Variants in ZMYM4 observed in about 807,000 individuals in gnomAD.
The protein encoded by ZMYM4 is zinc finger MYM-type protein 4.
In ZMYM4, 31 loss-of-function variants were observed where a neutral mutation model predicts 183.2. That is an observed-to-expected ratio of 0.17 (90% CI 0.13 to 0.23). The LOEUF (loss-of-function observed/expected upper bound fraction) is 0.23, where lower values mean the gene tolerates loss of function less well. Ranked by LOEUF, ZMYM4 falls within the 10% of genes least tolerant of loss-of-function variation. The pLI is 1.00. For missense variants in ZMYM4, 1,273 were observed against 1,840.3 expected, an observed-to-expected ratio of 0.69 and a Z score of 5.64; for synonymous variants, 592 against 631.2, an observed-to-expected ratio of 0.94 and a Z score of 0.93.
chr1:35,388,711 T>C (rs927676535), intron 13 of ZMYM4, among the ~76,000 whole-genome samples, 199 bp from the exon 14 acceptor site: 1 of 152,146 alleles, frequency 6.6e-6, no homozygotes. Context: ...TTTTTGTTTT[T>C]GTTTTTATTT....
chr1:35,419,340 C>A, intron 29 of ZMYM4, 130 bp from the exon 30 acceptor site: 1 of 910,032 alleles, frequency 1.1e-6, no homozygotes, highest in Non-Finnish European at 1.6e-6. Flanking sequence ...AAAATAATTG[C>A]AGTTTTTGCC....
chr1:35,387,507 A>G lies in ZMYM4; in HGVS notation c.2166A>G (p.Ile722Met), dbSNP rs1279609201. 2.5e-6 allele frequency: 4 copies of G among 1,613,244 alleles called. No individual in the cohort carries two copies. The highest frequency in any genetic ancestry group is 2.5e-6 in the Non-Finnish European group (3 of 1,179,804). The part of the protein sequence containing the change: ...GKNCSDEYKK[I>M]NNVMAMCEYC... ...ATTGTTCTGATGAATATAAGAAAAT[A>G]AATAATGTAATGGCAATGTGTGAAT... Residue 722 changes from isoleucine (I) to methionine (M), a missense_variant, in exon 13 of 30, where the codon ATA becomes ATG. Coordinates refer to ENST00000314607, the MANE Select transcript of ZMYM4 (RefSeq NM_005095.3).
At position 35,370,961 on chromosome 1, in the gene ZMYM4, A is replaced by C. The variant is rs1282563825; in HGVS notation, c.1181+334A>C. ...TATTACAGCAGTATTTTATAACTAT[A>C]GGCAATAGATATTTAAATCCAACAA... On this transcript the variant is annotated intron_variant, in intron 7 of 29. Coordinates refer to ENST00000314607, the MANE Select transcript of ZMYM4 (RefSeq NM_005095.3). The C allele has an allele frequency of 2.1e-5, 4 of 193,648 alleles. No homozygotes were observed. In the Admixed American group the frequency reaches 2.4e-4, roughly 11 times the overall value. The allele number at this position is 193,648 out of a possible 1,614,324, so 12.0% of individuals were successfully genotyped here.
rs1429957114 is a variant in ZMYM4, at chr1:35,397,645, C to T, written c.3199+100C>T. Reference sequence around the variant, plus strand: ...GTATAAGACAGGGTGTTTCTAAAACCTTTATTGTCTGTGAATACCAAGCCT... The same window carrying T: ...GTATAAGACAGGGTGTTTCTAAAACTTTTATTGTCTGTGAATACCAAGCCT... On this transcript the variant is annotated intron_variant, in intron 20 of 29. Transcript: ENST00000314607. 5 of 1,036,774 alleles carry T rather than the reference C, an allele frequency of 4.8e-6. No homozygotes were observed. In the Admixed American group the frequency reaches 1.4e-4, roughly 29 times the overall value. The allele number at this position is 1,036,774 out of a possible 1,614,324, so 64.2% of individuals were successfully genotyped here.
chr1:35,289,473 G>C (rs919895479), intron 1 of ZMYM4, among the ~76,000 whole-genome samples: 1 of 152,168 alleles, frequency 6.6e-6, no homozygotes, highest in African/African-American at 2.4e-5. Flanking sequence ...CATTAATTGA[G>C]ATAGGAAAAC....
intron 1 of ZMYM4, among the ~76,000 whole-genome samples, chr1:35,285,421 C>T (rs1482248372): frequency 6.6e-6 from 1 of 151,632 alleles, no homozygotes; most frequent in African/African-American, 2.4e-5. Flanking sequence ...TCTCAAGTAT[C>T]AATCAGTATA....
chr1:35,271,124 A>G (rs953315582), intron 1 of ZMYM4, among the ~76,000 whole-genome samples: 42 of 152,346 alleles, frequency 2.8e-4, no homozygotes, highest in African/African-American at 9.9e-4. Flanking sequence ...TAGTCCACCA[A>G]TGAAAATATA....
intron 2 of ZMYM4, among the ~76,000 whole-genome samples, chr1:35,347,454 G>T (rs867803720): frequency 6.6e-6 from 1 of 152,082 alleles, no homozygotes; most frequent in African/African-American, 2.4e-5. Context: ...GGGAAAAAAA[G>T]TACAAGTTAC....
rs563196157 is a variant in ZMYM4 at position 35,417,550 on chromosome 1, A to G, written c.4310-893A>G. Among the ~76,000 whole-genome samples the G allele has an allele frequency of 2.0e-5, 3 of 152,304 alleles. No homozygotes were observed. The East Asian group carries it at 5.8e-4, about 29-fold the overall frequency. ...GTAGAAATATTCTCATAGAGATGAC[A>G]GCTTCTGCTGAGTTCAGTGGCTTGT... On this transcript the variant is annotated intron_variant, in intron 28 of 29. Transcript: ENST00000314607.
intron 23 of ZMYM4, among the ~76,000 whole-genome samples, chr1:35,400,480 C>T (rs1218045716): frequency 6.6e-6 from 1 of 152,122 alleles, no homozygotes; most frequent in East Asian, 1.9e-4. Flanking sequence ...GCTGGGATTA[C>T]AGGCGTGAGC....
At chr1:35,292,035 A>G (rs1640787581) in intron 1 of ZMYM4, among the ~76,000 whole-genome samples, 1 of 152,194 alleles carries the variant, frequency 6.6e-6, no homozygotes. Flanking sequence ...TTCTAAAGTT[A>G]GTTGGGAACT....
intron 2 of ZMYM4, among the ~76,000 whole-genome samples, chr1:35,333,632 A>T (rs1313028425): frequency 6.6e-6 from 1 of 152,002 alleles, no homozygotes; most frequent in African/African-American, 2.4e-5. Flanking sequence ...CATTGTTCCT[A>T]TCCCCTCTCA....
intron 1 of ZMYM4, among the ~76,000 whole-genome samples, chr1:35,282,989 T>TTTG: frequency 1.5e-5 from 1 of 68,842 alleles, no homozygotes; most frequent in Non-Finnish European, 2.3e-5. Context: ...GGTTTTTTTT[T>TTTG]TTTTTTTTTT....
At chr1:35,385,964 ACTTACCCTGGCTCTTAAATTTT>A (rs1644566488) in intron 10 of ZMYM4, 88 bp from the exon 11 acceptor site, 1 of 688,752 alleles carries the variant, frequency 1.5e-6, no homozygotes, top group Admixed American at 3.7e-5. Flanking sequence ...AGTTCCTACA[ACTTACCCTGGCTCTTAAATTTT>A]CTTATATTGT....
At chr1:35,304,259 A>G (rs547471042) in intron 1 of ZMYM4, among the ~76,000 whole-genome samples, 34 of 151,914 alleles carry the variant, frequency 2.2e-4, no homozygotes, top group African/African-American at 8.2e-4. Context: ...CTCCTGACCT[A>G]GTGATCTGCC....
chr1:35,393,890 A>C (rs1203798013), intron 18 of ZMYM4, 151 bp downstream of exon 18: 1 of 903,136 alleles, frequency 1.1e-6, no homozygotes, highest in East Asian at 3.0e-5. Flanking sequence ...CCCGTGAGTT[A>C]GGTATTTTCC....
At chr1:35,325,191 G>T (rs1385601105) in intron 1 of ZMYM4, among the ~76,000 whole-genome samples, 169 bp from the exon 2 acceptor site, 2 of 151,798 alleles carry the variant, frequency 1.3e-5, no homozygotes, top group Non-Finnish European at 2.9e-5. Context: ...AACTACTTTG[G>T]TTCATCCTAA....
intron 15 of ZMYM4, 34 bp from the exon 16 acceptor site, chr1:35,392,178 G>T (rs775306464): frequency 3.1e-6 from 5 of 1,613,580 alleles, no homozygotes; most frequent in South Asian, 1.1e-5. Context: ...TATAAATCAC[G>T]TGAGGTTTCC....
At position 35,323,561 on chromosome 1, in the gene ZMYM4, T is replaced by G. The variant is rs192363535; in HGVS notation, c.40-1799T>G. Among the ~76,000 whole-genome samples the G allele has an allele frequency of 7.4e-3, 1,130 of 151,874 alleles. 4 individuals carry two copies. The highest frequency in any genetic ancestry group is 0.013 in the Non-Finnish European group (862 of 67,900). On this transcript the variant is annotated intron_variant, in intron 1 of 29. Transcript: ENST00000314607. ...TTTTGTTTTTTTGGTGTTTTTTTTT[T>G]GAGACAGAGTCTCGCTCTGTCGCCC...
Sources: allele counts gnomAD v4.1 joint callset (sites outside exome capture counted in the v4.1 genomes callset), GRCh38; gene constraint gnomAD v4.1.1; transcripts MANE v1.5; gene names NCBI Gene and HGNC (gene_info 2026-07-23, HGNC 2026-07-21).